GPR158: variants seen among roughly 807,000 people sequenced by gnomAD.
GPR158 encodes G protein-coupled receptor 158, also known as metabotropic glycine receptor.
In GPR158, 30 loss-of-function variants were observed where a neutral mutation model predicts 78.2. The ratio of observed to expected loss-of-function variants is 0.38; its 90% CI spans 0.29 to 0.52. The LOEUF is 0.52. Among genes scored for constraint, GPR158 ranks in the 20% least tolerant of loss-of-function variants. GPR158 has a pLI of 0.83. For synonymous variants in GPR158, 581 were observed against 591.1 expected (o/e 0.98, Z 0.25); for missense variants, 1,463 against 1,523.5 (o/e 0.96, Z 0.66).
chr10:25,342,863 C>T (rs183650525), intron 2 of GPR158, among the ~76,000 whole-genome samples: 90 of 151,322 alleles, frequency 5.9e-4, no homozygotes, highest in Non-Finnish European at 1.0e-3. Flanking sequence ...GTCACAGAAG[C>T]TTAACGTTTC....
intron 1 of GPR158, among the ~76,000 whole-genome samples, chr10:25,218,062 G>T (rs1456978999): frequency 6.6e-6 from 1 of 152,200 alleles, no homozygotes; most frequent in African/African-American, 2.4e-5. Context: ...CTTAGGTGTT[G>T]GATCTTTGCG....
At chr10:25,366,132 CTTTTGT>C (rs762295320) in intron 2 of GPR158, among the ~76,000 whole-genome samples, 18 of 151,300 alleles carry the variant, frequency 1.2e-4, no homozygotes, top group East Asian at 3.9e-4. Flanking sequence ...TGTAGACAAA[CTTTTGT>C]TTTTGTTTTT....
chr10:25,595,512 A>G (rs1181949767), intron 9 of GPR158, among the ~76,000 whole-genome samples: 14 of 152,226 alleles, frequency 9.2e-5, no homozygotes, highest in Non-Finnish European at 1.3e-4. Flanking sequence ...ATGTTTACCA[A>G]CTGACAAATG....
At chr10:25,563,744 G>A (rs1836888654) in intron 6 of GPR158, among the ~76,000 whole-genome samples, 1 of 151,998 alleles carries the variant, frequency 6.6e-6, no homozygotes, top group Non-Finnish European at 1.5e-5. Context: ...TTTTATTGTT[G>A]CAAATTATAT....
At chr10:25,283,857 A>T (rs1323822361) in intron 2 of GPR158, among the ~76,000 whole-genome samples, 1 of 151,972 alleles carries the variant, frequency 6.6e-6, no homozygotes, top group Admixed American at 6.6e-5. Context: ...GAAACTTCCC[A>T]CTTAGTTCAT....
At chr10:25,477,119 C>G (rs761750821) in intron 5 of GPR158, among the ~76,000 whole-genome samples, 2 of 151,914 alleles carry the variant, frequency 1.3e-5, no homozygotes, top group African/African-American at 2.4e-5. Context: ...TTTTTTAACT[C>G]CATTTTTTTG....
intron 2 of GPR158, among the ~76,000 whole-genome samples, chr10:25,364,119 A>G (rs921450155): frequency 2.0e-5 from 3 of 152,000 alleles, no homozygotes; most frequent in South Asian, 2.1e-4. Flanking sequence ...TTCACATTTT[A>G]TCAGTAAGGA....
At chr10:25,572,959 T>TCTTGCCAGACTCTTTAGTAAAGC (rs1837031609) in intron 7 of GPR158, 72 bp downstream of exon 7, 1 of 910,908 alleles carries the variant, frequency 1.1e-6, no homozygotes, top group African/African-American at 1.6e-5. Flanking sequence ...TCTTTAAAAG[T>TCTTGCCAGACTCTTTAGTAAAGC]CTTGCCAGAC....
At chr10:25,471,549 A>T (rs1588878457) in intron 5 of GPR158, among the ~76,000 whole-genome samples, 1 of 152,300 alleles carries the variant, frequency 6.6e-6, no homozygotes, top group East Asian at 1.9e-4. Context: ...TGTCTTCCAC[A>T]ATGGTTGAAC....
intron 4 of GPR158, among the ~76,000 whole-genome samples, chr10:25,429,169 A>T (rs1834862113): frequency 6.6e-6 from 1 of 152,082 alleles, no homozygotes; most frequent in South Asian, 2.1e-4. Flanking sequence ...ATTCTCAGGA[A>T]TTTTGAACTT....
intron 2 of GPR158, among the ~76,000 whole-genome samples, chr10:25,296,139 A>G (rs1471422626): frequency 1.3e-5 from 2 of 152,074 alleles, no homozygotes; most frequent in Non-Finnish European, 2.9e-5. Context: ...CTGGAACACA[A>G]ATAACGTCAG....
intron 3 of GPR158, 111 bp downstream of exon 3, chr10:25,396,124 T>G (rs2130529131): frequency 1.8e-6 from 1 of 543,332 alleles, no homozygotes; most frequent in East Asian, 3.1e-5. Flanking sequence ...AATCATTGGT[T>G]TGGCATTCTT....
chr10:25,402,312 T>C (rs1834458264), intron 3 of GPR158, among the ~76,000 whole-genome samples: 1 of 152,040 alleles, frequency 6.6e-6, no homozygotes, highest in South Asian at 2.1e-4. Flanking sequence ...CTGTTTCAAA[T>C]CAGAGGCTAA....
intron 2 of GPR158, among the ~76,000 whole-genome samples, chr10:25,240,795 A>G (rs1255979295): frequency 1.3e-5 from 2 of 152,192 alleles, no homozygotes; most frequent in African/African-American, 2.4e-5. Flanking sequence ...AATATCTATC[A>G]ATTGGGAGTA....
chr10:25,374,723 C>T (rs148829768), intron 2 of GPR158, among the ~76,000 whole-genome samples: 2 of 151,712 alleles, frequency 1.3e-5, no homozygotes, highest in Non-Finnish European at 3.0e-5. Flanking sequence ...TTGTGTGTAT[C>T]AATCGTGTGT....
At chr10:25,504,315 GC>G in intron 5 of GPR158, among the ~76,000 whole-genome samples, 1 of 152,250 alleles carries the variant, frequency 6.6e-6, no homozygotes, top group South Asian at 2.1e-4. Flanking sequence ...AATTAGTGGG[GC>G]TGCCCAAGTA....
At chr10:25,548,840 T>C (rs1348973180) in intron 5 of GPR158, among the ~76,000 whole-genome samples, 1 of 152,234 alleles carries the variant, frequency 6.6e-6, no homozygotes, top group Non-Finnish European at 1.5e-5. Context: ...CTGAAAAATA[T>C]TGTTATTTCA....
chr10:25,539,521 A>ATT (rs35477926), intron 5 of GPR158, among the ~76,000 whole-genome samples: 16,022 of 141,364 alleles, frequency 0.11, 977 homozygotes, highest in Non-Finnish European at 0.14. Context: ...ACCCCTTTTA[A>ATT]TTTTTTTTTT....
At chr10:25,537,642 C>T (rs1351993334) in intron 5 of GPR158, among the ~76,000 whole-genome samples, 3 of 152,150 alleles carry the variant, frequency 2.0e-5, no homozygotes, top group Middle Eastern at 3.4e-3. Flanking sequence ...GCTTAACTGC[C>T]TGATATGGCC....
Sources: allele counts gnomAD v4.1 joint callset (sites outside exome capture counted in the v4.1 genomes callset), GRCh38; gene constraint gnomAD v4.1.1; transcripts MANE v1.5; gene names NCBI Gene and HGNC (gene_info 2026-07-23, HGNC 2026-07-21).